Variants in DOK6 observed in about 807,000 individuals in gnomAD.
DOK6 encodes the protein downstream of tyrosine kinase 6.
In DOK6, 22 loss-of-function variants were observed where a neutral mutation model predicts 44.0. That is an observed-to-expected ratio of 0.50 (90% CI 0.36 to 0.71). DOK6 has a LOEUF of 0.71. Ranked by LOEUF, DOK6 falls within the 30% of genes least tolerant of loss-of-function variation. DOK6 has a pLI of 0.00. For synonymous variants in DOK6, 166 were observed against 145.5 expected (o/e 1.14, Z -1.01); for missense variants, 340 against 416.4 (o/e 0.82, Z 1.60).
At chr18:69,582,684 T>C (rs1012214234) in intron 2 of DOK6, among the ~76,000 whole-genome samples, 2 of 152,210 alleles carry the variant, frequency 1.3e-5, no homozygotes, top group African/African-American at 4.8e-5. Context: ...TCTTTCCATC[T>C]CTGTAAACAA....
chr18:69,847,769 A>ACATATATATATAT lies in DOK6; in HGVS notation c.*6386_*6387insCATATATATATAT, dbSNP rs537425849. 32 of 40,356 alleles carry ACATATATATATAT rather than the reference A, an allele frequency of 7.9e-4. No individual in the cohort carries two copies. Among genetic ancestry groups the ACATATATATATAT allele is most frequent in the African/African-American group, 1.6e-3 (30 of 18,434 alleles). 2.5% of individuals were successfully genotyped at this position (40,356 alleles called of 1,614,324 possible). On this transcript the variant is annotated 3_prime_UTR_variant, in exon 8 of 8. Coordinates refer to ENST00000382713, the MANE Select transcript of DOK6 (RefSeq NM_152721.6). ...AAATAATGCTTACTCTTGTAAAAAAAAAAAATATATATATATGTATCAGCA... is the reference window on the plus strand; with the variant it reads ...AAATAATGCTTACTCTTGTAAAAAAACATATATATATATAAAAATATATATATATGTATCAGCA...
At chr18:69,667,468 CTTA>C (rs1215918515) in intron 3 of DOK6, among the ~76,000 whole-genome samples, 3 of 152,074 alleles carry the variant, frequency 2.0e-5, no homozygotes, top group Non-Finnish European at 2.9e-5. Flanking sequence ...AAAAACTTTC[CTTA>C]TTAAGGGAGC....
At chr18:69,404,178 C>T (rs1916154195) in intron 1 of DOK6, among the ~76,000 whole-genome samples, 1 of 152,178 alleles carries the variant, frequency 6.6e-6, no homozygotes, top group African/African-American at 2.4e-5. Context: ...GTGCCCTTTG[C>T]TCTTCACAGA....
intron 5 of DOK6, among the ~76,000 whole-genome samples, chr18:69,712,694 TAA>T: frequency 6.6e-6 from 1 of 152,016 alleles, no homozygotes; most frequent in East Asian, 1.9e-4. Flanking sequence ...TAAAAATACA[TAA>T]GTTAGCCAGG....
chr18:69,560,040 A>G (rs9945742), intron 1 of DOK6, among the ~76,000 whole-genome samples: 108,758 of 151,982 alleles, frequency 0.72, 39,818 homozygotes, highest in East Asian at 0.99. Context: ...GATGCAGTTC[A>G]GTCATGGCAG....
chr18:69,783,594 T>A (rs1246386644), intron 7 of DOK6, among the ~76,000 whole-genome samples: 1 of 152,188 alleles, frequency 6.6e-6, no homozygotes. Context: ...GAGTTCCACA[T>A]GACCTCTGGA....
chr18:69,658,857 T>G (rs754030833), intron 3 of DOK6, among the ~76,000 whole-genome samples: 1 of 152,198 alleles, frequency 6.6e-6, no homozygotes, highest in African/African-American at 2.4e-5. Flanking sequence ...TGGCTGCAGC[T>G]TAGCACAGCT....
At chr18:69,829,058 G>C (rs943173844) in intron 7 of DOK6, among the ~76,000 whole-genome samples, 12 of 150,428 alleles carry the variant, frequency 8.0e-5, no homozygotes, top group Admixed American at 6.0e-4. Context: ...GCAAAAAGGA[G>C]AGTGAAAATA....
rs922178269 is a variant in DOK6, at chr18:69,460,944, C to T, written c.66+59634C>T. On this transcript the variant is annotated intron_variant, in intron 1 of 7. Coordinates refer to ENST00000382713, the MANE Select transcript of DOK6 (RefSeq NM_152721.6). ...TGTCTTGTTTCTGTGTGTGTGTGCA[C>T]GTGCAAAATAATATGGTACTATGTT... Among the ~76,000 whole-genome samples, 22 of 152,110 alleles carry T rather than the reference C, an allele frequency of 1.4e-4. No individual in the cohort carries two copies. In the South Asian group the frequency reaches 1.9e-3, roughly 13 times the overall value.
chr18:69,688,684 G>A (rs889764818), intron 4 of DOK6, among the ~76,000 whole-genome samples: 6 of 152,162 alleles, frequency 3.9e-5, no homozygotes, highest in South Asian at 2.1e-4. Context: ...CATCACACCC[G>A]GCTATTTTTG....
chr18:69,502,318 A>G (rs1981070697), intron 1 of DOK6, among the ~76,000 whole-genome samples: 1 of 152,084 alleles, frequency 6.6e-6, no homozygotes, highest in South Asian at 2.1e-4. Flanking sequence ...GAAAACCATG[A>G]AACAGGAGAG....
chr18:69,407,679 G>A (rs1467985591), intron 1 of DOK6, among the ~76,000 whole-genome samples: 4 of 152,156 alleles, frequency 2.6e-5, no homozygotes, highest in African/African-American at 9.7e-5. Flanking sequence ...GATAGAATAA[G>A]TAATGATATT....
chr18:69,460,422 T>C (rs945848782), intron 1 of DOK6, among the ~76,000 whole-genome samples: 4 of 152,144 alleles, frequency 2.6e-5, no homozygotes, highest in Non-Finnish European at 5.9e-5. Flanking sequence ...AAAATATACA[T>C]ATATTGAGGT....
At chr18:69,828,887 T>TACAATAAC (rs1599348506) in intron 7 of DOK6, among the ~76,000 whole-genome samples, 2 of 121,816 alleles carry the variant, frequency 1.6e-5, no homozygotes, top group East Asian at 4.8e-4. Context: ...TTTATGTGTA[T>TACAATAAC]ATATATATAT....
intron 1 of DOK6, among the ~76,000 whole-genome samples, chr18:69,449,724 G>C (rs1599136614): frequency 6.6e-6 from 1 of 151,978 alleles, no homozygotes; most frequent in Non-Finnish European, 1.5e-5. Flanking sequence ...AGAACGGGCA[G>C]ACTGCCTCCT....
chr18:69,599,968 A>G (rs1268964582), intron 3 of DOK6, among the ~76,000 whole-genome samples: 4 of 152,220 alleles, frequency 2.6e-5, no homozygotes, highest in Non-Finnish European at 4.4e-5. Flanking sequence ...TTTCAGATTG[A>G]ATTTTAGCAT....
At chr18:69,669,949 TA>T (rs1266637720) in intron 3 of DOK6, among the ~76,000 whole-genome samples, 8 of 152,210 alleles carry the variant, frequency 5.3e-5, no homozygotes, top group African/African-American at 1.9e-4. Context: ...ATTACTGACA[TA>T]ACAAATTGCC....
At chr18:69,460,512 CTCAA>C (rs1025869108) in intron 1 of DOK6, among the ~76,000 whole-genome samples, 14 of 152,168 alleles carry the variant, frequency 9.2e-5, no homozygotes, top group East Asian at 5.8e-4. Flanking sequence ...GTTAGATGAA[CTCAA>C]TCAATGTATT....
intron 7 of DOK6, among the ~76,000 whole-genome samples, chr18:69,779,477 CA>C (rs1247859909): frequency 6.7e-6 from 1 of 149,876 alleles, no homozygotes; most frequent in Non-Finnish European, 1.5e-5. Context: ...CACACACACA[CA>C]AACAGTATGT....
Sources: gnomAD v4.1 joint callset for allele counts (sites outside exome capture counted in the v4.1 genomes callset) on GRCh38, gnomAD v4.1.1 for gene constraint, MANE v1.5 for transcripts, NCBI Gene and HGNC (gene_info 2026-07-23, HGNC 2026-07-21) for gene names.